RUSC1: variants seen among roughly 807,000 people sequenced by gnomAD.
RUSC1 encodes RUN and SH3 domain containing 1.
A neutral mutation model predicts 72.1 loss-of-function variants in RUSC1; 40 were observed. That is an observed-to-expected ratio of 0.55 (90% CI 0.43 to 0.72). RUSC1 has a LOEUF of 0.72. Among genes scored for constraint, RUSC1 ranks in the 30% least tolerant of loss-of-function variants. The probability of loss-of-function intolerance (pLI) is 0.00; values close to 1 mark genes in which losing one functional copy is unlikely to be tolerated. For synonymous variants in RUSC1, 512 were observed against 494.2 expected, an observed-to-expected ratio of 1.04 and a Z score of -0.48; for missense variants, 1,092 against 1,172.3, an observed-to-expected ratio of 0.93 and a Z score of 1.00.
At chr1:155,323,375 G>T (rs1427635817) in intron 2 of RUSC1, 1 of 365,766 alleles carries the variant, frequency 2.7e-6, no homozygotes, top group Non-Finnish European at 4.8e-6. Flanking sequence ...TTCCCTCTGC[G>T]CCTGGCCCCG....
rs908425798 is a variant in RUSC1 at position 155,323,843 on chromosome 1, C to T, written c.1357+713C>T. On this transcript the variant is annotated intron_variant, in intron 2 of 9. Transcript: ENST00000368352. ...ACGGACCCGGGCTAGCCCCGCGGGC[C>T]ACGCCTCAGGCGGGCCGCCCCGCCC... is the stretch of plus-strand genomic sequence containing the variant. 4 of 899,120 alleles carry T rather than the reference C, an allele frequency of 4.4e-6. No homozygotes were observed. The African/African-American group carries it at 5.4e-5, about 12-fold the overall frequency. The allele number at this position is 899,120 out of a possible 1,614,324, so 55.7% of individuals were successfully genotyped here.
Position 155,326,737 on chromosome 1 carries a change from G to T in RUSC1, c.2019G>T (p.Leu673=). Residue 673 remains leucine, a synonymous_variant, in exon 8 of 10, where the codon CTG becomes CTT. Transcript: ENST00000368352. This position sits in a 1 kb window ranked among gnomAD's most constrained non-coding sequence, Gnocchi z 4.7. ...TTGAGCACCACCACCACCTGCCCCT[G>T]GGCCCACCTCAGGCCCCTGCCCCTC... ...LLFEHHHHLP[L]GPPQAPAPPG... is the part of the protein sequence containing the mutation. 6.2e-7 allele frequency: 1 copy of T among 1,613,240 alleles called. No homozygotes were observed. The highest frequency in any genetic ancestry group is 8.5e-7 in the Non-Finnish European group (1 of 1,180,034).
In RUSC1 at chr1:155,326,049, T is replaced by C. The variant is rs887441207; in HGVS notation, c.1861+139T>C. On this transcript the variant is annotated intron_variant, in intron 7 of 9. Coordinates refer to ENST00000368352, the MANE Select transcript of RUSC1 (RefSeq NM_001105203.2). The surrounding 1 kb of genome is among the most constrained non-coding windows in gnomAD (Gnocchi z 4.7). ...ATCTTATTACTCTTCTAATTAAAAC[T>C]TTCTAAGGAGGCCCATCGCCCATAG... 25 of 960,590 alleles carry C rather than the reference T, an allele frequency of 2.6e-5. No individual in the cohort carries two copies. The highest frequency in any genetic ancestry group is 4.0e-5 in the Non-Finnish European group (25 of 620,736). The allele number at this position is 960,590 out of a possible 1,614,324, so 59.5% of individuals were successfully genotyped here.
chr1:155,330,407 G>A lies in RUSC1; in HGVS notation c.2545G>A (p.Val849Met), dbSNP rs772797925. ...TCTTCCTCTGGCTCCCCTCAGGGCAGTGCGGGCTCTCTGTGATCACACTGC... is the reference window on the plus strand; with the variant it reads ...TCTTCCTCTGGCTCCCCTCAGGGCAATGCGGGCTCTCTGTGATCACACTGC... The part of the protein sequence containing the change: ...APRMVQTHRA[V>M]RALCDHTAAR... Residue 849 changes from valine (V) to methionine (M), a missense_variant, in exon 10 of 10, where the codon GTG becomes ATG. Val to Met is a conservative substitution (Grantham distance 21). Transcript: ENST00000368352. The A allele has an allele frequency of 1.2e-6, 2 of 1,612,612 alleles. No individual in the cohort carries two copies. The highest frequency in any genetic ancestry group is 1.3e-5 in the African/African-American group (1 of 74,988).
intron 2 of RUSC1, chr1:155,324,313 T>C: frequency 6.3e-7 from 1 of 1,574,946 alleles, no homozygotes; most frequent in Non-Finnish European, 8.6e-7. Context: ...AAGAGGCTGC[T>C]GCGGGACCCG....
chr1:155,321,540 T>C (rs369921132), intron 1 of RUSC1, 148 bp from the exon 2 acceptor site: 1,454 of 1,378,356 alleles, frequency 1.1e-3, no homozygotes, highest in Non-Finnish European at 1.3e-3. Context: ...TGGAAACTAA[T>C]GGTCAGTCGA....
In RUSC1 at chr1:155,322,741, G is replaced by T. The variant is rs1234351936; in HGVS notation, c.968G>T (p.Arg323Leu). The T allele has an allele frequency of 3.1e-6, 5 of 1,614,112 alleles. No individual in the cohort carries two copies. The highest frequency in any genetic ancestry group is 2.2e-5 in the South Asian group (2 of 91,084). ...TCCTTCCACGAGCTGGCCCAGAAGCGCAAGCGGGGCCCAGGGCTGCCCCTT... is the reference window on the plus strand; with the variant it reads ...TCCTTCCACGAGCTGGCCCAGAAGCTCAAGCGGGGCCCAGGGCTGCCCCTT... ...ITSFHELAQK[R>L]KRGPGLPLVP... The change falls in exon 2 of 10, where the codon CGC (arginine) becomes CTC (leucine). Residue 323 changes from arginine (R) to leucine (L), a missense_variant. Physicochemically the swap from Arg to Leu is moderately radical, Grantham distance 102. Coordinates refer to ENST00000368352, the MANE Select transcript of RUSC1 (RefSeq NM_001105203.2).
chr1:155,321,075 T>C (rs750150497), intron 1 of RUSC1, 84 bp downstream of exon 1: 10 of 1,409,552 alleles, frequency 7.1e-6, no homozygotes, highest in Non-Finnish European at 9.5e-6. Flanking sequence ...GAGAAATGAA[T>C]AGAGAAAGGG....
chr1:155,328,640 G>A (rs955680650), intron 9 of RUSC1, among the ~76,000 whole-genome samples: 2 of 150,952 alleles, frequency 1.3e-5, no homozygotes, highest in African/African-American at 2.4e-5. Flanking sequence ...TAGCTCTGTC[G>A]CCAAGCTGAA....
Position 155,323,065 on chromosome 1 carries a change from T to C in RUSC1, c.1292T>C (p.Val431Ala). ...GGGCAGTCCGAGGAGGGCCGGGCTG[T>C]CAGCCCAGCGGCTGGCGAGGAGGCC... ...AEGQSEEGRA[V>A]SPAAGEEAPA... Residue 431 changes from valine to alanine, a missense_variant, in exon 2 of 10, where the codon GTC becomes GCC. Val to Ala is a moderately conservative substitution (Grantham distance 64). Transcript: ENST00000368352. The C allele has an allele frequency of 7.1e-7, 1 of 1,411,564 alleles. No homozygotes were observed. The highest frequency in any genetic ancestry group is 9.2e-7 in the Non-Finnish European group (1 of 1,082,784). 87.4% of individuals were successfully genotyped at this position (1,411,564 alleles called of 1,614,324 possible). A position where few individuals can be genotyped will look rare whatever the true frequency, so the allele number is the denominator to read the frequency against.
chr1:155,324,028 C>A (rs1245359041), intron 2 of RUSC1: 3 of 1,058,236 alleles, frequency 2.8e-6, no homozygotes, highest in Non-Finnish European at 3.4e-6. Flanking sequence ...CTCCGTGGGC[C>A]GGCCCCCTCT....
rs760095342 is a variant in RUSC1, at chr1:155,322,162, A to G, written c.389A>G (p.Glu130Gly). ...SVYLRDLPGD[E>G]DAHPQPSIIP... ...TACTTGCGGGACCTCCCTGGTGATG[A>G]GGATGCCCACCCTCAGCCCAGTATC... The change falls in exon 2 of 10, where the codon GAG becomes GGG. Residue 130 changes from glutamate to glycine, a missense_variant. Transcript: ENST00000368352. 1 of 1,600,914 alleles carries G rather than the reference A, an allele frequency of 6.2e-7. No individual in the cohort carries two copies. The highest frequency in any genetic ancestry group is 8.5e-7 in the Non-Finnish European group (1 of 1,171,490).
Position 155,322,820 on chromosome 1 carries a change from C to T in RUSC1, c.1047C>T (p.Asp349=). 1.2e-6 allele frequency: 2 copies of T among 1,613,858 alleles called. No homozygotes were observed. Among genetic ancestry groups the T allele is most frequent in the Non-Finnish European group, 1.7e-6 (2 of 1,179,948 alleles). Residue 349 remains aspartate (D), a synonymous_variant, in exon 2 of 10, where the codon GAC becomes GAT. Transcript: ENST00000368352. The part of the protein sequence containing the change: ...RSDWLIVFSP[D]TELPPSGSPG... The stretch of plus-strand genomic sequence containing the variant: ...ACTGGCTCATAGTCTTCTCGCCCGA[C>T]ACCGAGCTCCCCCCCTCGGGGTCGC...
rs1651321986 is a variant in RUSC1, at chr1:155,325,780, T to C, written c.1815-84T>C. ...CATCCCCAGAGAAGGCCCCCCCTCT[T>C]CCAATCTCATCTCCCATCCTCCACC... is the stretch of plus-strand genomic sequence containing the variant. On this transcript the variant is annotated intron_variant, in intron 6 of 9. Transcript: ENST00000368352. The surrounding 1 kb of genome is among the most constrained non-coding windows in gnomAD (Gnocchi z 6.5). 2 of 1,586,306 alleles carry C rather than the reference T, an allele frequency of 1.3e-6. No individual in the cohort carries two copies. Among genetic ancestry groups the C allele is most frequent in the Non-Finnish European group, 1.7e-6 (2 of 1,155,434 alleles).
At position 155,326,565 on chromosome 1, in the gene RUSC1, C is replaced by A; in HGVS notation, c.1862-15C>A. ...GGTCCAGGGCAGGAGCTGATGTTGG[C>A]CTGCTCTTTTCCAGGCCTGCTCTCC... On this transcript the variant is annotated splice_polypyrimidine_tract_variant and intron_variant, in intron 7 of 9. Coordinates refer to ENST00000368352, the MANE Select transcript of RUSC1 (RefSeq NM_001105203.2). The surrounding 1 kb of genome is among the most constrained non-coding windows in gnomAD (Gnocchi z 4.7). 6.3e-7 allele frequency: 1 copy of A among 1,592,626 alleles called. No homozygotes were observed.
Position 155,328,089 on chromosome 1 carries a change from C to A in RUSC1, c.2415-61C>A, listed in dbSNP as rs181309799. The A allele has an allele frequency of 5.1e-6, 8 of 1,569,926 alleles. No individual in the cohort carries two copies. The African/African-American group carries it at 8.1e-5, about 16-fold the overall frequency. The stretch of plus-strand genomic sequence containing the variant: ...CCTTAGCCTCTCCCTCCCTCCAAAC[C>A]CCAGGGTTCTTGGGTTTTCTGGAAG... On this transcript the variant is annotated intron_variant, in intron 8 of 9. Transcript: ENST00000368352.
Position 155,328,093 on chromosome 1 carries a change from G to C in RUSC1, c.2415-57G>C, listed in dbSNP as rs74363046. 1.1e-3 allele frequency: 1,762 copies of C among 1,572,954 alleles called. 21 individuals carry two copies. The African/African-American group carries it at 0.022, about 20-fold the overall frequency. On this transcript the variant is annotated intron_variant, in intron 8 of 9. Coordinates refer to ENST00000368352, the MANE Select transcript of RUSC1 (RefSeq NM_001105203.2). ...AGCCTCTCCCTCCCTCCAAACCCCA[G>C]GGTTCTTGGGTTTTCTGGAAGTGGG...
At position 155,325,204 on chromosome 1, in the gene RUSC1, T is replaced by C. The variant is rs1400497962; in HGVS notation, c.1533+26T>C. 1 of 1,613,794 alleles carries C rather than the reference T, an allele frequency of 6.2e-7. No homozygotes were observed. The highest frequency in any genetic ancestry group is 2.2e-5 in the East Asian group (1 of 44,878). ...GTGAAGGTGGCTGGGGGGAGGCTGT[T>C]GGGATGAGGAGAGTAATGGAGCTCC... On this transcript the variant is annotated intron_variant, in intron 4 of 9. Transcript: ENST00000368352. This position sits in a 1 kb window ranked among gnomAD's most constrained non-coding sequence, Gnocchi z 6.5.
intron 8 of RUSC1, 69 bp from the exon 9 acceptor site, chr1:155,328,081 C>A: frequency 6.4e-7 from 1 of 1,554,578 alleles, no homozygotes; most frequent in South Asian, 1.3e-5. Flanking sequence ...CTCTCCCTCC[C>A]TCCAAACCCC....
Sources: allele counts gnomAD v4.1 joint callset (sites outside exome capture counted in the v4.1 genomes callset), GRCh38; gene constraint gnomAD v4.1.1; non-coding constraint Gnocchi (gnomAD v3.1); transcripts MANE v1.5; gene names NCBI Gene and HGNC (gene_info 2026-07-23, HGNC 2026-07-21).